Variants in TMEM132D observed in about 807,000 individuals in gnomAD.
TMEM132D encodes mature OL transmembrane protein.
A neutral mutation model predicts 62.3 loss-of-function variants in TMEM132D; 21 were observed. The observed-to-expected ratio is 0.34, with a 90% CI of 0.24 to 0.49. The LOEUF is 0.49. Among genes scored for constraint, TMEM132D ranks in the 20% least tolerant of loss-of-function variants. The pLI is 0.99. For synonymous variants in TMEM132D, 621 were observed against 575.6 expected (o/e 1.08, Z -1.13); for missense variants, 1,346 against 1,402.8 (o/e 0.96, Z 0.65).
At chr12:129,086,201 C>CGTGTGTGTGTGTGTGTGTGTGTGTGT (rs1218792744) in intron 5 of TMEM132D, among the ~76,000 whole-genome samples, 1 of 141,038 alleles carries the variant, frequency 7.1e-6, no homozygotes, top group Non-Finnish European at 1.5e-5. Context: ...CACGCGCGCG[C>CGTGTGTGTGTGTGTGTGTGTGTGTGT]GTGTGTGTGT....
At position 129,449,986 on chromosome 12, in the gene TMEM132D, T is replaced by A. The variant is rs144031250; in HGVS notation, c.1115+81073A>T. On this transcript the variant is annotated intron_variant, in intron 3 of 8. Coordinates refer to ENST00000422113, the MANE Select transcript of TMEM132D (RefSeq NM_133448.3). Reference sequence around the variant, plus strand: ...CTCTAATGATCAGTGATGAGCTTTTTTCCATATGATTGTTGGCCACATATA... The same window carrying A: ...CTCTAATGATCAGTGATGAGCTTTTATCCATATGATTGTTGGCCACATATA... Among the ~76,000 whole-genome samples, 1,224 of 152,358 alleles carry A rather than the reference T, an allele frequency of 8.0e-3. 8 individuals are homozygous for A. The highest frequency in any genetic ancestry group is 0.013 in the Non-Finnish European group (902 of 68,028).
Position 129,074,853 on chromosome 12 carries a change from A to G in TMEM132D, c.2322T>C (p.Ser774=), listed in dbSNP as rs1250328890. ...GTLVKVEMVI[S]ESCQKSKRKS... is the part of the protein sequence containing the mutation. ...TCCGCTTGGATTTCTGGCAGGATTC[A>G]CTAATAACCATTTCCACCTTGACCA... The change falls in exon 9 of 9, where the codon AGT becomes AGC. Residue 774 remains serine (S), a synonymous_variant. Coordinates refer to ENST00000422113, the MANE Select transcript of TMEM132D (RefSeq NM_133448.3). The G allele has an allele frequency of 1.2e-6, 2 of 1,613,998 alleles. No homozygotes were observed. The highest frequency in any genetic ancestry group is 2.2e-5 in the East Asian group (1 of 44,860).
In TMEM132D at chr12:129,087,978, C is replaced by CG. The variant is rs35168630; in HGVS notation, c.1444-3277dup. On this transcript the variant is annotated intron_variant, in intron 5 of 8. Transcript: ENST00000422113. Reference sequence around the variant, plus strand: ...CCCTGACCGGGGTGTCCTCCATGACCGGGTGTCCTCCATGACCGGGGTGTC... The same window carrying CG: ...CCCTGACCGGGGTGTCCTCCATGACCGGGGTGTCCTCCATGACCGGGGTGTC... Among the ~76,000 whole-genome samples, 12 of 49,130 alleles carry CG rather than the reference C, an allele frequency of 2.4e-4. 2 individuals are homozygous for CG. In the East Asian group the frequency reaches 4.9e-3, roughly 20 times the overall value. 32.2% of individuals were successfully genotyped at this position (49,130 alleles called of 152,430 possible).
intron 2 of TMEM132D, among the ~76,000 whole-genome samples, chr12:129,678,999 T>C (rs1051084142): frequency 4.6e-5 from 7 of 152,044 alleles, no homozygotes; most frequent in Admixed American, 6.5e-5. Context: ...TATCATACTA[T>C]TTTAATTTCT....
At chr12:129,769,569 T>A (rs541053001) in intron 1 of TMEM132D, among the ~76,000 whole-genome samples, 1 of 152,258 alleles carries the variant, frequency 6.6e-6, no homozygotes, top group South Asian at 2.1e-4. Flanking sequence ...CAGGCTTTCT[T>A]GCATACCTAC....
intron 1 of TMEM132D, among the ~76,000 whole-genome samples, chr12:129,874,112 G>C (rs1874337766): frequency 2.0e-5 from 3 of 152,180 alleles, no homozygotes; most frequent in African/African-American, 7.2e-5. Context: ...AGGTAATGAG[G>C]CCGTATTGTG....
chr12:129,126,129 T>C (rs1876205802), intron 5 of TMEM132D, among the ~76,000 whole-genome samples: 1 of 152,200 alleles, frequency 6.6e-6, no homozygotes, highest in Non-Finnish European at 1.5e-5. Context: ...TTGTTCAATG[T>C]GTCGCTTAAG....
At chr12:129,659,954 T>C (rs1880193617) in intron 2 of TMEM132D, among the ~76,000 whole-genome samples, 1 of 152,220 alleles carries the variant, frequency 6.6e-6, no homozygotes, top group African/African-American at 2.4e-5. Context: ...GAGGCACTGA[T>C]GCAGAAGAAG....
rs1054170112 is a variant in TMEM132D, at chr12:129,072,908, C to G, written c.*967G>C. On this transcript the variant is annotated 3_prime_UTR_variant, in exon 9 of 9. Transcript: ENST00000422113. Reference sequence around the variant, plus strand: ...CTCTTCAAAGACGGACGGCGTGGGACATATGCCCAGGTTGCGGGGGGAGCT... The same window carrying G: ...CTCTTCAAAGACGGACGGCGTGGGAGATATGCCCAGGTTGCGGGGGGAGCT... 3.9e-5 allele frequency: 6 copies of G among 152,188 alleles called. No homozygotes were observed. Among genetic ancestry groups the G allele is most frequent in the Non-Finnish European group, 8.8e-5 (6 of 68,046 alleles). The allele number at this position is 152,188 out of a possible 1,614,324, so 9.4% of individuals were successfully genotyped here.
intron 5 of TMEM132D, among the ~76,000 whole-genome samples, chr12:129,200,450 G>A (rs1331943800): frequency 2.0e-5 from 3 of 152,204 alleles, no homozygotes; most frequent in Non-Finnish European, 2.9e-5. Context: ...CCCTGCAGGT[G>A]ACACAGGGAA....
At chr12:129,684,994 T>C (rs1880872851) in intron 2 of TMEM132D, among the ~76,000 whole-genome samples, 1 of 152,212 alleles carries the variant, frequency 6.6e-6, no homozygotes, top group Non-Finnish European at 1.5e-5. Flanking sequence ...TTGAGTGCTG[T>C]TAAAAGCATT....
intron 1 of TMEM132D, among the ~76,000 whole-genome samples, chr12:129,826,587 T>G (rs1427400565): frequency 6.6e-6 from 1 of 152,210 alleles, no homozygotes; most frequent in African/African-American, 2.4e-5. Context: ...ACTCATGAAG[T>G]GCTGGAATCC....
chr12:129,811,944 C>G lies in TMEM132D; in HGVS notation c.79+91317G>C, dbSNP rs532518002. On this transcript the variant is annotated intron_variant, in intron 1 of 8. Transcript: ENST00000422113. ...TCCTCCAGAGCCCACAGCTCAGAGCCCACCCACCTGACACATATATTTCAA... is the reference window on the plus strand; with the variant it reads ...TCCTCCAGAGCCCACAGCTCAGAGCGCACCCACCTGACACATATATTTCAA... Among the ~76,000 whole-genome samples the G allele has an allele frequency of 1.1e-4, 17 of 151,848 alleles. No individual in the cohort carries two copies. The South Asian group carries it at 3.4e-3, about 30-fold the overall frequency.
chr12:129,770,851 T>C (rs1357925316), intron 1 of TMEM132D, among the ~76,000 whole-genome samples: 2 of 152,230 alleles, frequency 1.3e-5, no homozygotes, highest in Non-Finnish European at 2.9e-5. Context: ...CAAAGTATGG[T>C]CTCTACCGAA....
intron 1 of TMEM132D, among the ~76,000 whole-genome samples, chr12:129,727,817 A>G (rs988379478): frequency 1.3e-5 from 2 of 150,624 alleles, no homozygotes; most frequent in African/African-American, 2.5e-5. Flanking sequence ...AAAGCCTTAC[A>G]TATATTTTGA....
intron 1 of TMEM132D, among the ~76,000 whole-genome samples, chr12:129,778,062 C>T (rs898307078): frequency 6.6e-4 from 95 of 144,516 alleles, no homozygotes; most frequent in African/African-American, 2.2e-3. Flanking sequence ...CTGCAGTGAG[C>T]CATAATCACA....
At chr12:129,824,020 C>A (rs1048767066) in intron 1 of TMEM132D, among the ~76,000 whole-genome samples, 1 of 152,040 alleles carries the variant, frequency 6.6e-6, no homozygotes, top group Non-Finnish European at 1.5e-5. Context: ...CTATGACAGC[C>A]CTGTGAGGGA....
At chr12:129,839,481 T>C (rs996647818) in intron 1 of TMEM132D, among the ~76,000 whole-genome samples, 3 of 151,926 alleles carry the variant, frequency 2.0e-5, no homozygotes. Context: ...CAGGCTAGTC[T>C]TGAACTCCTG....
At chr12:129,714,399 A>T (rs963357107) in intron 1 of TMEM132D, among the ~76,000 whole-genome samples, 1 of 152,156 alleles carries the variant, frequency 6.6e-6, no homozygotes, top group Non-Finnish European at 1.5e-5. Context: ...CTCATTCAAG[A>T]CTGTCATTCG....
Sources: gnomAD v4.1 joint callset for allele counts (sites outside exome capture counted in the v4.1 genomes callset) on GRCh38, gnomAD v4.1.1 for gene constraint, MANE v1.5 for transcripts, NCBI Gene and HGNC (gene_info 2026-07-23, HGNC 2026-07-21) for gene names.